Variants in PADI2 observed in about 807,000 individuals in gnomAD.
PADI2 encodes the protein peptidyl arginine deiminase 2, also known as protein-arginine deiminase type-2.
A neutral mutation model predicts 81.1 loss-of-function variants in PADI2; 70 were observed. The ratio of observed to expected loss-of-function variants is 0.86; its 90% CI spans 0.71 to 1.05. The LOEUF is 1.05. PADI2 is among the 50% of genes least tolerant of loss of function. The probability of loss-of-function intolerance (pLI) is 0.00; values close to 1 mark genes in which losing one functional copy is unlikely to be tolerated. For missense variants in PADI2, 853 were observed against 889.9 expected (o/e 0.96, Z 0.53); for synonymous variants, 338 against 358.0 (o/e 0.94, Z 0.63).
At chr1:17,107,268 G>C (rs998231135) in intron 1 of PADI2, among the ~76,000 whole-genome samples, 1 of 152,178 alleles carries the variant, frequency 6.6e-6, no homozygotes, top group African/African-American at 2.4e-5. Flanking sequence ...GAATCATCAG[G>C]GGTGCTGTTT....
At chr1:17,081,471 CATT>C in intron 10 of PADI2, among the ~76,000 whole-genome samples, 1 of 152,326 alleles carries the variant, frequency 6.6e-6, no homozygotes, top group East Asian at 1.9e-4. Context: ...GTGCTGACAC[CATT>C]GGCTCTAGCA....
intron 1 of PADI2, among the ~76,000 whole-genome samples, chr1:17,114,994 A>G (rs1172149341): frequency 1.3e-5 from 2 of 152,186 alleles, no homozygotes; most frequent in Non-Finnish European, 2.9e-5. Context: ...CCAGGCCCCC[A>G]TCATGGAAAA....
intron 1 of PADI2, among the ~76,000 whole-genome samples, chr1:17,106,632 G>A (rs866255219): frequency 9.2e-5 from 14 of 152,048 alleles, no homozygotes; most frequent in Middle Eastern, 3.4e-3. Context: ...TAGTAGAGAT[G>A]GGGTTTCGCC....
chr1:17,111,888 A>T (rs1931591515), intron 1 of PADI2, among the ~76,000 whole-genome samples: 1 of 152,130 alleles, frequency 6.6e-6, no homozygotes, highest in South Asian at 2.1e-4. Context: ...CATGTTCGAG[A>T]AGCTGGAAAG....
chr1:17,091,124 A>C (rs1269457596), intron 6 of PADI2, among the ~76,000 whole-genome samples: 1 of 151,556 alleles, frequency 6.6e-6, no homozygotes, highest in African/African-American at 2.4e-5. Context: ...AGGGTGGATC[A>C]GAAGGAAGAC....
rs961028209 is a variant in PADI2, at chr1:17,119,220, C to T, written c.92+60G>A. 15 of 1,200,936 alleles carry T rather than the reference C, an allele frequency of 1.2e-5. No homozygotes were observed. Among genetic ancestry groups the T allele is most frequent in the Non-Finnish European group, 1.5e-5 (13 of 855,394 alleles). The allele number at this position is 1,200,936 out of a possible 1,614,324, so 74.4% of individuals were successfully genotyped here. On this transcript the variant is annotated intron_variant, in intron 1 of 15. Coordinates refer to ENST00000375486, the MANE Select transcript of PADI2 (RefSeq NM_007365.3). The surrounding 1 kb of genome is among the most constrained non-coding windows in gnomAD (Gnocchi z 4.8). Reference sequence around the variant, plus strand: ...GGCTGTCCACGTCCCCGAGTCTGAGCGCGTCTCAGGATTTCTGGGCTCGAG... The same window carrying T: ...GGCTGTCCACGTCCCCGAGTCTGAGTGCGTCTCAGGATTTCTGGGCTCGAG...
intron 13 of PADI2, among the ~76,000 whole-genome samples, chr1:17,072,745 TTCTA>T (rs56131335): frequency 0.042 from 6,438 of 152,310 alleles, 205 homozygotes; most frequent in Non-Finnish European, 0.067. Context: ...CCAAACTGTA[TTCTA>T]TCTATTTTCT....
chr1:17,103,145 G>A, intron 2 of PADI2, 86 bp from the exon 3 acceptor site: 1 of 929,128 alleles, frequency 1.1e-6, no homozygotes, highest in Non-Finnish European at 1.7e-6. Flanking sequence ...AGCAACTGCT[G>A]TCCCTCACAG....
In PADI2 at chr1:17,115,428, GCCC is replaced by G. The variant is rs1931720679; in HGVS notation, c.92+3849_92+3851del. On this transcript the variant is annotated intron_variant, in intron 1 of 15. Transcript: ENST00000375486. The surrounding 1 kb of genome is among the most constrained non-coding windows in gnomAD (Gnocchi z 4.1). ...CTGTACACCAGGGAGGAAAAGAAGA[GCCC>G]TGCCTTCTCGAGAACTCTCACTGAC... 6.6e-6 allele frequency among the ~76,000 whole-genome samples: 1 copy of G among 152,226 alleles called. No individual in the cohort carries two copies. The highest frequency in any genetic ancestry group is 2.4e-5 in the African/African-American group (1 of 41,466).
chr1:17,087,070 G>C (rs1434525966), intron 6 of PADI2, among the ~76,000 whole-genome samples: 2 of 152,178 alleles, frequency 1.3e-5, no homozygotes, highest in Non-Finnish European at 2.9e-5. Flanking sequence ...AAGGAGGAGT[G>C]GCTTGTCCAA....
At chr1:17,077,786 G>A (rs1336145612) in intron 11 of PADI2, among the ~76,000 whole-genome samples, 1 of 152,186 alleles carries the variant, frequency 6.6e-6, no homozygotes, top group East Asian at 1.9e-4. Flanking sequence ...GCCAAATCCT[G>A]GCTGACCCCA....
At chr1:17,111,903 G>T (rs186471132) in intron 1 of PADI2, among the ~76,000 whole-genome samples, 22 of 152,324 alleles carry the variant, frequency 1.4e-4, no homozygotes, top group Admixed American at 1.3e-3. Flanking sequence ...GGAAAGAGGG[G>T]AGTGTGTCTG....
At chr1:17,079,204 A>G in intron 11 of PADI2, 60 bp downstream of exon 11, 1 of 1,528,966 alleles carries the variant, frequency 6.5e-7, no homozygotes, top group South Asian at 1.2e-5. Flanking sequence ...GGCCACCCCA[A>G]AAGAGAAACA....
At chr1:17,084,519 AGGAACTAGACTCATGTCCATCTGACTC>A in intron 8 of PADI2, 53 bp downstream of exon 8, 1 of 793,980 alleles carries the variant, frequency 1.3e-6, no homozygotes, top group Admixed American at 2.4e-5. Context: ...TGACGGGGCC[AGGAACTAGACTCATGTCCATCTGACTC>A]GGCCCTTGGC....
At chr1:17,079,790 T>A (rs946971550) in intron 10 of PADI2, among the ~76,000 whole-genome samples, 44 of 117,052 alleles carry the variant, frequency 3.8e-4, no homozygotes, top group African/African-American at 1.5e-3. Context: ...AGTTTCCCCA[T>A]CTGTTGTTGT....
chr1:17,090,702 C>A (rs1054129183), intron 6 of PADI2, among the ~76,000 whole-genome samples: 1 of 151,714 alleles, frequency 6.6e-6, no homozygotes, highest in African/African-American at 2.4e-5. Context: ...GTCGTGGCTG[C>A]TCCCCACAGG....
intron 15 of PADI2, 116 bp from the exon 16 acceptor site, chr1:17,069,393 T>A (rs1360590130): frequency 5.1e-6 from 4 of 780,882 alleles, no homozygotes; most frequent in Non-Finnish European, 8.5e-6. Flanking sequence ...TAACTGTGAT[T>A]GGATAGGGAC....
chr1:17,102,975 A>G lies in PADI2; in HGVS notation c.349+12T>C, dbSNP rs1188865331. The G allele has an allele frequency of 1.2e-6, 2 of 1,601,810 alleles. No individual in the cohort carries two copies. Among genetic ancestry groups the G allele is most frequent in the South Asian group, 1.1e-5 (1 of 90,106 alleles). On this transcript the variant is annotated intron_variant, in intron 3 of 15. Transcript: ENST00000375486. Reference sequence around the variant, plus strand: ...TGATGAAGGCACTGAGACGGCAACCATGCCAACTCACCAATGGCTGTGAGG... The same window carrying G: ...TGATGAAGGCACTGAGACGGCAACCGTGCCAACTCACCAATGGCTGTGAGG...
chr1:17,115,858 A>G lies in PADI2; in HGVS notation c.92+3422T>C, dbSNP rs572274618. Among the ~76,000 whole-genome samples the G allele has an allele frequency of 2.6e-5, 4 of 152,350 alleles. No individual in the cohort carries two copies. The highest frequency in any genetic ancestry group is 9.6e-5 in the African/African-American group (4 of 41,576). Reference sequence around the variant, plus strand: ...ACAATCACAAAGTACAATTTCTAACAAACACCCTACTTCCTTCTTTCTATG... The same window carrying G: ...ACAATCACAAAGTACAATTTCTAACGAACACCCTACTTCCTTCTTTCTATG... On this transcript the variant is annotated intron_variant, in intron 1 of 15. Coordinates refer to ENST00000375486, the MANE Select transcript of PADI2 (RefSeq NM_007365.3). The surrounding 1 kb of genome is among the most constrained non-coding windows in gnomAD (Gnocchi z 4.1).
Sources: gnomAD v4.1 joint callset for allele counts (sites outside exome capture counted in the v4.1 genomes callset) on GRCh38, gnomAD v4.1.1 for gene constraint, Gnocchi (gnomAD v3.1) non-coding constraint, MANE v1.5 for transcripts, NCBI Gene and HGNC (gene_info 2026-07-23, HGNC 2026-07-21) for gene names.